Variants in ARHGAP15 observed in about 807,000 individuals in gnomAD.
The protein encoded by ARHGAP15 is rho GTPase-activating protein 15.
A neutral mutation model predicts 63.7 loss-of-function variants in ARHGAP15; 51 were observed. The observed-to-expected ratio is 0.80, with a 90% CI of 0.64 to 1.01. The LOEUF (loss-of-function observed/expected upper bound fraction) is 1.01. Among genes scored for constraint, ARHGAP15 ranks in the 50% least tolerant of loss-of-function variants. The probability of loss-of-function intolerance (pLI) is 0.00; values close to 1 mark genes in which losing one functional copy is unlikely to be tolerated. For missense variants in ARHGAP15, 560 were observed against 564.6 expected (o/e 0.99, Z 0.08); for synonymous variants, 191 against 193.8 (o/e 0.99, Z 0.12).
intron 1 of ARHGAP15, among the ~76,000 whole-genome samples, chr2:143,145,028 C>G (rs1055437346): frequency 2.0e-5 from 3 of 152,018 alleles, no homozygotes; most frequent in African/African-American, 4.8e-5. Flanking sequence ...ATGGGAATAT[C>G]TGTGGAAGGT....
intron 8 of ARHGAP15, among the ~76,000 whole-genome samples, chr2:143,472,421 C>T (rs1405829076): frequency 6.6e-6 from 1 of 152,040 alleles, no homozygotes; most frequent in Non-Finnish European, 1.5e-5. Flanking sequence ...GTATGCAATG[C>T]GTCAAAAGTG....
intron 13 of ARHGAP15, among the ~76,000 whole-genome samples, chr2:143,710,289 T>C (rs1355416715): frequency 1.3e-5 from 2 of 152,214 alleles, no homozygotes; most frequent in Non-Finnish European, 2.9e-5. Context: ...ATGTACTTCC[T>C]ATGGGCCTGA....
chr2:143,204,875 T>C (rs945185210), intron 3 of ARHGAP15, among the ~76,000 whole-genome samples: 2 of 152,020 alleles, frequency 1.3e-5, no homozygotes, highest in African/African-American at 4.8e-5. Context: ...ATCTCATATG[T>C]TCCTCTGCTT....
At chr2:143,589,437 A>G (rs566165078) in intron 11 of ARHGAP15, among the ~76,000 whole-genome samples, 33 of 152,360 alleles carry the variant, frequency 2.2e-4, no homozygotes, top group Non-Finnish European at 4.4e-4. Context: ...TATCTCATTT[A>G]GTAATCACAG....
At chr2:143,616,733 AC>A (rs1335483014) in intron 11 of ARHGAP15, among the ~76,000 whole-genome samples, 1 of 152,160 alleles carries the variant, frequency 6.6e-6, no homozygotes, top group African/African-American at 2.4e-5. Flanking sequence ...CCAGAAAGGA[AC>A]CATTTTCAAA....
At chr2:143,322,825 G>A (rs1162330473) in intron 6 of ARHGAP15, among the ~76,000 whole-genome samples, 1 of 152,208 alleles carries the variant, frequency 6.6e-6, no homozygotes, top group Non-Finnish European at 1.5e-5. Flanking sequence ...CTGATAACTG[G>A]GAGAATGGCT....
At chr2:143,738,762 A>T (rs1258188859) in intron 13 of ARHGAP15, among the ~76,000 whole-genome samples, 1 of 152,166 alleles carries the variant, frequency 6.6e-6, no homozygotes, top group Non-Finnish European at 1.5e-5. Flanking sequence ...TTGCTTTGTA[A>T]AGAACTTACA....
chr2:143,463,881 C>T (rs1691080118), intron 8 of ARHGAP15, among the ~76,000 whole-genome samples: 1 of 152,286 alleles, frequency 6.6e-6, no homozygotes, highest in Admixed American at 6.5e-5. Context: ...AAAGCCATTA[C>T]AGGCACATTC....
At chr2:143,641,946 A>T (rs1270426589) in intron 12 of ARHGAP15, among the ~76,000 whole-genome samples, 3 of 152,160 alleles carry the variant, frequency 2.0e-5, no homozygotes, top group Admixed American at 2.0e-4. Flanking sequence ...AAAATGTAGA[A>T]GTATGTGTAC....
rs1686495149 is a variant in ARHGAP15 at position 143,754,388 on chromosome 2, C to T, written c.1245-13601C>T. Among the ~76,000 whole-genome samples the T allele has an allele frequency of 1.3e-5, 2 of 152,282 alleles. 1 individual carries two copies. On this transcript the variant is annotated intron_variant, in intron 13 of 13. Coordinates refer to ENST00000295095, the MANE Select transcript of ARHGAP15 (RefSeq NM_018460.4). ...AAGTATCTAGTTTTTCCCACCTCTG[C>T]AGGCTGGTCTTCATTCCCTTTTCAT... is the stretch of plus-strand genomic sequence containing the variant.
intron 12 of ARHGAP15, among the ~76,000 whole-genome samples, chr2:143,634,230 G>A (rs535730742): frequency 3.9e-5 from 6 of 151,968 alleles, no homozygotes; most frequent in East Asian, 1.9e-4. Context: ...TCTGTCTACC[G>A]AACACACTCT....
chr2:143,716,068 T>C (rs547909734), intron 13 of ARHGAP15, among the ~76,000 whole-genome samples: 1 of 152,254 alleles, frequency 6.6e-6, no homozygotes, highest in African/African-American at 2.4e-5. Flanking sequence ...TAATGGCTGT[T>C]GGGCTTAATA....
At chr2:143,582,777 CT>C (rs1696961110) in intron 11 of ARHGAP15, among the ~76,000 whole-genome samples, 1 of 152,208 alleles carries the variant, frequency 6.6e-6, no homozygotes, top group African/African-American at 2.4e-5. Flanking sequence ...CCAAAGACTT[CT>C]TTTAAAGTCA....
intron 13 of ARHGAP15, among the ~76,000 whole-genome samples, chr2:143,732,061 TAGAC>T (rs1685560511): frequency 1.3e-5 from 2 of 152,230 alleles, no homozygotes; most frequent in South Asian, 4.1e-4. Context: ...ATTTGTGAAT[TAGAC>T]AGATGAATGA....
chr2:143,677,008 A>G (rs1351518572), intron 12 of ARHGAP15, among the ~76,000 whole-genome samples: 2 of 152,252 alleles, frequency 1.3e-5, no homozygotes, highest in African/African-American at 4.8e-5. Context: ...GTGTCTGATT[A>G]CCACCTCAAT....
chr2:143,669,574 C>A (rs889478434), intron 12 of ARHGAP15, among the ~76,000 whole-genome samples: 1 of 152,166 alleles, frequency 6.6e-6, no homozygotes, highest in African/African-American at 2.4e-5. Context: ...GTTTGTTGAA[C>A]TACATTTCCT....
At chr2:143,270,759 C>G (rs1319506704) in intron 6 of ARHGAP15, among the ~76,000 whole-genome samples, 1 of 152,148 alleles carries the variant, frequency 6.6e-6, no homozygotes, top group Non-Finnish European at 1.5e-5. Context: ...CAAAATATCT[C>G]AATATTGCTA....
chr2:143,394,333 C>T (rs1021932305), intron 6 of ARHGAP15, among the ~76,000 whole-genome samples: 12 of 152,126 alleles, frequency 7.9e-5, no homozygotes, highest in Admixed American at 6.6e-4. Context: ...GACAAGAACA[C>T]AAATGACTCT....
chr2:143,235,800 T>A, intron 5 of ARHGAP15: 1 of 884,272 alleles, frequency 1.1e-6, no homozygotes. Flanking sequence ...GTTGTCTGTT[T>A]GATTTATCTT....
Sources: gnomAD v4.1 joint callset for allele counts (sites outside exome capture counted in the v4.1 genomes callset) on GRCh38, gnomAD v4.1.1 for gene constraint, MANE v1.5 for transcripts, NCBI Gene and HGNC (gene_info 2026-07-23, HGNC 2026-07-21) for gene names.